ZEB2: variants seen among roughly 807,000 people sequenced by gnomAD.
ZEB2 encodes zinc finger E-box binding homeobox 2, also known as zinc finger E-box-binding homeobox 2.
A neutral mutation model predicts 99.9 loss-of-function variants in ZEB2; 6 were observed. That is an observed-to-expected ratio of 0.06 (90% CI 0.03 to 0.12). The LOEUF is 0.12. Ranked by LOEUF, ZEB2 falls within the 10% of genes least tolerant of loss-of-function variation. The pLI is 1.00. For synonymous variants in ZEB2, 517 were observed against 542.5 expected, an observed-to-expected ratio of 0.95 and a Z score of 0.65; for missense variants, 969 against 1,502.8, an observed-to-expected ratio of 0.64 and a Z score of 5.87.
intron 4 of ZEB2, among the ~76,000 whole-genome samples, chr2:144,412,790 AATGTC>A (rs1370120204): frequency 6.6e-6 from 1 of 152,154 alleles, no homozygotes; most frequent in Admixed American, 6.5e-5. Context: ...TCACTTACTG[AATGTC>A]ATCTGTGTGT....
At position 144,511,591 on chromosome 2, in the gene ZEB2, G is replaced by A. The variant is rs188070813; in HGVS notation, c.73+5687C>T. 7.7e-5 allele frequency: 99 copies of A among 1,280,624 alleles called. No homozygotes were observed. In the African/African-American group the frequency reaches 1.4e-3, roughly 19 times the overall value. 79.3% of individuals were successfully genotyped at this position (1,280,624 alleles called of 1,614,324 possible). ...AATACTTGGATCTTACTTTTTAAAA[G>A]TTTACCCTCCCCACAGCCCAAATAG... On this transcript the variant is annotated intron_variant, in intron 2 of 9. Transcript: ENST00000627532.
intron 4 of ZEB2, among the ~76,000 whole-genome samples, chr2:144,420,628 G>A (rs1022425108): frequency 6.6e-6 from 1 of 152,106 alleles, no homozygotes; most frequent in Non-Finnish European, 1.5e-5. Context: ...AACCCCACAA[G>A]GGTTCTGAAG....
At chr2:144,403,465 A>G (rs1258734373) in intron 6 of ZEB2, among the ~76,000 whole-genome samples, 2 of 152,150 alleles carry the variant, frequency 1.3e-5, no homozygotes, top group Non-Finnish European at 2.9e-5. Flanking sequence ...TTATAAAAAT[A>G]CTCTAAGTAA....
chr2:144,424,455 G>A (rs2149888958), intron 4 of ZEB2: 2 of 538,118 alleles, frequency 3.7e-6, no homozygotes, highest in South Asian at 1.4e-5. Flanking sequence ...GCTAGCAGAG[G>A]TATATCATAT....
In ZEB2 at chr2:144,408,391, T is replaced by C. The variant is rs78011568; in HGVS notation, c.404-3367A>G. On this transcript the variant is annotated intron_variant, in intron 4 of 9. Transcript: ENST00000627532. Reference sequence around the variant, plus strand: ...ACTGTAGAATAATTATTTGATAAACTGTGTAGTAGTGGTCATAAATACTTG... The same window carrying C: ...ACTGTAGAATAATTATTTGATAAACCGTGTAGTAGTGGTCATAAATACTTG... Among the ~76,000 whole-genome samples, 1,110 of 152,318 alleles carry C rather than the reference T, an allele frequency of 7.3e-3. 12 individuals are homozygous for C. Among genetic ancestry groups the C allele is most frequent in the African/African-American group, 0.025 (1,049 of 41,580 alleles).
At chr2:144,478,161 C>T (rs1331871598) in intron 2 of ZEB2, among the ~76,000 whole-genome samples, 1 of 152,168 alleles carries the variant, frequency 6.6e-6, no homozygotes, top group East Asian at 1.9e-4. Flanking sequence ...TCATCGGGTG[C>T]ATACTTTACT....
intron 2 of ZEB2, among the ~76,000 whole-genome samples, chr2:144,493,832 T>A (rs2149920768): frequency 6.6e-6 from 1 of 152,296 alleles, no homozygotes; most frequent in South Asian, 2.1e-4. Flanking sequence ...AGGAACTTAA[T>A]AATTTAAAAT....
intron 6 of ZEB2, 147 bp from the exon 7 acceptor site, chr2:144,401,454 A>C: frequency 1.3e-6 from 1 of 751,792 alleles, no homozygotes; most frequent in Non-Finnish European, 2.3e-6. Flanking sequence ...TCAGAGTTGC[A>C]ATAAAAGTGA....
chr2:144,483,352 C>A (rs1171316722), intron 2 of ZEB2, among the ~76,000 whole-genome samples: 1 of 152,174 alleles, frequency 6.6e-6, no homozygotes, highest in Non-Finnish European at 1.5e-5. Flanking sequence ...CTAGCTCCTA[C>A]AATTGTTGTA....
intron 2 of ZEB2, among the ~76,000 whole-genome samples, chr2:144,452,207 G>GA (rs1704063058): frequency 6.6e-6 from 1 of 152,096 alleles, no homozygotes. Context: ...ATTTTCTTGT[G>GA]AAAAATGCCT....
chr2:144,513,947 T>C (rs1705088846), intron 2 of ZEB2: 1 of 1,436,930 alleles, frequency 7.0e-7, no homozygotes, highest in Non-Finnish European at 9.2e-7. Flanking sequence ...CACACATTCT[T>C]GTCTGCGGGC....
At chr2:144,403,789 G>T in intron 6 of ZEB2, 127 bp downstream of exon 6, 1 of 1,193,278 alleles carries the variant, frequency 8.4e-7, no homozygotes, top group South Asian at 1.3e-5. Flanking sequence ...CTCAATTAAA[G>T]CTATTACCAT....
chr2:144,441,134 CTT>C (rs1475938173), intron 2 of ZEB2, among the ~76,000 whole-genome samples: 1 of 141,420 alleles, frequency 7.1e-6, no homozygotes, highest in Non-Finnish European at 1.5e-5. Context: ...TGATCACCCT[CTT>C]TTCCTTCCTT....
chr2:144,399,531 A>G lies in ZEB2; in HGVS notation c.1656T>C (p.Ser552=). 1 of 1,614,194 alleles carries G rather than the reference A, an allele frequency of 6.2e-7. No homozygotes were observed. Residue 552 remains serine (S), a synonymous_variant, in exon 8 of 10, where the codon AGT becomes AGC. Coordinates refer to ENST00000627532, the MANE Select transcript of ZEB2 (RefSeq NM_014795.4). This position sits in a 1 kb window ranked among gnomAD's most constrained non-coding sequence, Gnocchi z 5.6. The part of the protein sequence containing the change: ...SLTTDSRRQI[S]NIKKEKLRTL... ...TACGTAGCTTCTCTTTCTTTATATTACTGATCTGTCTCCTTGAGTCAGTAG... is the reference window on the plus strand; with the variant it reads ...TACGTAGCTTCTCTTTCTTTATATTGCTGATCTGTCTCCTTGAGTCAGTAG...
Position 144,389,856 on chromosome 2 carries a change from G to A in ZEB2, c.3240C>T (p.Tyr1080=), listed in dbSNP as rs772048473. The A allele has an allele frequency of 6.2e-7, 1 of 1,613,666 alleles. No individual in the cohort carries two copies. The highest frequency in any genetic ancestry group is 1.3e-5 in the African/African-American group (1 of 74,934). Reference sequence around the variant, plus strand: ...CCCGCTCCTCCGCCTCCCGCTTGCAGTAGGAATACCTGTGATTCATGTGCT... The same window carrying A: ...CCCGCTCCTCCGCCTCCCGCTTGCAATAGGAATACCTGTGATTCATGTGCT... ...YSQHMNHRYS[Y]CKREAEEREA... is the part of the protein sequence containing the mutation. The change falls in exon 10 of 10, where the codon TAC becomes TAT. Residue 1080 remains tyrosine (Y), a synonymous_variant. Coordinates refer to ENST00000627532, the MANE Select transcript of ZEB2 (RefSeq NM_014795.4). This position sits in a 1 kb window ranked among gnomAD's most constrained non-coding sequence, Gnocchi z 6.8.
At position 144,389,664 on chromosome 2, in the gene ZEB2, G is replaced by A. The variant is rs768007761; in HGVS notation, c.3432C>T (p.Gly1144=). ...TGCCCAGCTTCCCGTAGCCATCCTC[G>A]CCTTCTTTCTCGTGCTCCTTCTCGC... ...GESEKEHEKE[G]EDGYGKLGRQ... The change falls in exon 10 of 10, where the codon GGC becomes GGT. Residue 1144 remains glycine (G), a synonymous_variant. Transcript: ENST00000627532. This position sits in a 1 kb window ranked among gnomAD's most constrained non-coding sequence, Gnocchi z 6.8. 2.3e-5 allele frequency: 37 copies of A among 1,613,634 alleles called. No homozygotes were observed. The highest frequency in any genetic ancestry group is 1.6e-4 in the Middle Eastern group (1 of 6,082).
At chr2:144,461,111 T>TC (rs397828994) in intron 2 of ZEB2, 1 of 150,844 alleles carries the variant, frequency 6.6e-6, no homozygotes, top group Admixed American at 6.6e-5. Flanking sequence ...TTTTTTTTTT[T>TC]ATCACACTCC....
chr2:144,442,959 GA>G (rs981267983), intron 2 of ZEB2, among the ~76,000 whole-genome samples: 16 of 151,996 alleles, frequency 1.1e-4, no homozygotes, highest in Non-Finnish European at 1.5e-4. Flanking sequence ...ACTTTTCAAA[GA>G]GTAAAATTTC....
chr2:144,467,205 T>C (rs1016282488), intron 2 of ZEB2, among the ~76,000 whole-genome samples: 2 of 151,896 alleles, frequency 1.3e-5, no homozygotes, highest in African/African-American at 2.4e-5. Context: ...AAAACTAAAA[T>C]AATTTTTAAA....
Sources: gnomAD v4.1 joint callset for allele counts (sites outside exome capture counted in the v4.1 genomes callset) on GRCh38, gnomAD v4.1.1 for gene constraint, Gnocchi (gnomAD v3.1) non-coding constraint, MANE v1.5 for transcripts, NCBI Gene and HGNC (gene_info 2026-07-23, HGNC 2026-07-21) for gene names.